Variants in PRKN observed in about 807,000 individuals in gnomAD.
PRKN encodes parkin RBR E3 ubiquitin protein ligase, also known as E3 ubiquitin-protein ligase parkin.
Under a neutral mutation model 59.5 loss-of-function variants are expected in PRKN, and 56 were observed. That is an observed-to-expected ratio of 0.94 (90% CI 0.76 to 1.18). The LOEUF is 1.18. Among genes scored for constraint, PRKN ranks in the 50% most tolerant of loss-of-function variants. The pLI, the probability that PRKN is intolerant of heterozygous loss-of-function variation, is 0.00. For synonymous variants in PRKN, 250 were observed against 222.1 expected (o/e 1.13, Z -1.12); for missense variants, 657 against 596.4 (o/e 1.10, Z -1.06).
chr6:162,182,637 G>GCT, intron 4 of PRKN, among the ~76,000 whole-genome samples: 1 of 152,230 alleles, frequency 6.6e-6, no homozygotes, highest in African/African-American at 2.4e-5. Context: ...CTCATCCCAG[G>GCT]ATCCTCGCAG....
chr6:161,477,012 A>C (rs1247171645), intron 9 of PRKN, among the ~76,000 whole-genome samples: 1 of 152,248 alleles, frequency 6.6e-6, no homozygotes. Context: ...GCATGATGTC[A>C]GCTAATTAAC....
At chr6:162,305,789 C>G (rs562135386) in intron 2 of PRKN, among the ~76,000 whole-genome samples, 6 of 151,972 alleles carry the variant, frequency 3.9e-5, no homozygotes, top group South Asian at 2.1e-4. Flanking sequence ...GATTTTGGAA[C>G]TATTTGTAAG....
chr6:162,445,006 C>G (rs940186361), intron 1 of PRKN, among the ~76,000 whole-genome samples: 2 of 152,106 alleles, frequency 1.3e-5, no homozygotes, highest in African/African-American at 4.8e-5. Flanking sequence ...TAAAAGATAA[C>G]AAACTCCTCA....
chr6:161,462,785 T>C lies in PRKN; in HGVS notation c.1084-75908A>G, dbSNP rs186846701. The stretch of plus-strand genomic sequence containing the variant: ...ACGGTAGCAATAAAAACACACAGAA[T>C]ACACTTTCATCCCAAAATTGGCATA... On this transcript the variant is annotated intron_variant, in intron 9 of 11. Transcript: ENST00000366898. This position sits in a 1 kb window ranked among gnomAD's most constrained non-coding sequence, Gnocchi z 4.5. Among the ~76,000 whole-genome samples the C allele has an allele frequency of 8.5e-5, 13 of 152,316 alleles. No individual in the cohort carries two copies. The East Asian group carries it at 2.5e-3, about 29-fold the overall frequency.
chr6:162,097,358 T>G (rs1270113268), intron 4 of PRKN, among the ~76,000 whole-genome samples: 1 of 152,194 alleles, frequency 6.6e-6, no homozygotes, highest in Non-Finnish European at 1.5e-5. Flanking sequence ...ATCATCCACA[T>G]GAGCTGTCCC....
At chr6:162,469,891 T>A (rs562476622) in intron 1 of PRKN, among the ~76,000 whole-genome samples, 1 of 152,118 alleles carries the variant, frequency 6.6e-6, no homozygotes, top group African/African-American at 2.4e-5. Flanking sequence ...ATAAAAAATT[T>A]AAAAAAAGAA....
At chr6:162,541,438 C>G (rs972395574) in intron 1 of PRKN, among the ~76,000 whole-genome samples, 2 of 152,208 alleles carry the variant, frequency 1.3e-5, no homozygotes, top group Non-Finnish European at 2.9e-5. Context: ...AAAGGGCCAT[C>G]CTAGGCTCTG....
At chr6:161,411,083 C>G (rs939283500) in intron 9 of PRKN, among the ~76,000 whole-genome samples, 3 of 152,116 alleles carry the variant, frequency 2.0e-5, no homozygotes, top group African/African-American at 7.2e-5. Context: ...CTCTGGGATG[C>G]TGGCAAACTC....
intron 9 of PRKN, among the ~76,000 whole-genome samples, chr6:161,481,132 G>T (rs1166772638): frequency 6.6e-6 from 1 of 152,186 alleles, no homozygotes; most frequent in Non-Finnish European, 1.5e-5. Context: ...TGCCACCATA[G>T]AACTGTTTTC....
chr6:161,908,234 G>A, intron 6 of PRKN, among the ~76,000 whole-genome samples: 1 of 152,194 alleles, frequency 6.6e-6, no homozygotes. Context: ...GAGCACGTGA[G>A]AGTCAGTGGG....
chr6:161,593,491 C>T lies in PRKN; in HGVS notation c.872-24075G>A, dbSNP rs1237761560. On this transcript the variant is annotated intron_variant, in intron 7 of 11. Transcript: ENST00000366898. This position sits in a 1 kb window ranked among gnomAD's most constrained non-coding sequence, Gnocchi z 4.8. ...AGATCCAGGGAGCCCAGTTAGGAGG[C>T]TCTGGCTGTGGCCTGTGGTCAGCAG... Among the ~76,000 whole-genome samples the T allele has an allele frequency of 1.3e-5, 2 of 152,168 alleles. No individual in the cohort carries two copies. The highest frequency in any genetic ancestry group is 4.8e-5 in the African/African-American group (2 of 41,438).
At chr6:162,074,844 A>T (rs1778753111) in intron 4 of PRKN, among the ~76,000 whole-genome samples, 1 of 152,156 alleles carries the variant, frequency 6.6e-6, no homozygotes, top group African/African-American at 2.4e-5. Flanking sequence ...ACTATTCCTG[A>T]ACCACAAGAT....
chr6:161,439,135 A>AC (rs1583069054), intron 9 of PRKN, among the ~76,000 whole-genome samples: 1 of 152,210 alleles, frequency 6.6e-6, no homozygotes, highest in East Asian at 1.9e-4. Context: ...TCCCAGGTGT[A>AC]ACCCGGAGGA....
intron 3 of PRKN, among the ~76,000 whole-genome samples, chr6:162,244,910 G>C (rs890331948): frequency 6.6e-6 from 1 of 152,016 alleles, no homozygotes; most frequent in Non-Finnish European, 1.5e-5. Flanking sequence ...CTCCATAAAA[G>C]AAGGAATGAT....
intron 5 of PRKN, 109 bp from the exon 6 acceptor site, chr6:161,973,526 G>A (rs62436002): frequency 2.9e-5 from 21 of 715,690 alleles, no homozygotes; most frequent in Non-Finnish European, 5.0e-5. Flanking sequence ...AATCTGTTAC[G>A]AGGTGTGAGA....
intron 8 of PRKN, among the ~76,000 whole-genome samples, chr6:161,555,067 C>T (rs1272667122): frequency 1.3e-5 from 2 of 151,992 alleles, no homozygotes; most frequent in Non-Finnish European, 2.9e-5. Flanking sequence ...TTTCTTATGT[C>T]ATTTCTAGTA....
At chr6:162,044,649 A>T (rs1454820414) in intron 5 of PRKN, among the ~76,000 whole-genome samples, 1 of 152,224 alleles carries the variant, frequency 6.6e-6, no homozygotes, top group African/African-American at 2.4e-5. Flanking sequence ...AGTCTGGCAC[A>T]GAGCAAGTGG....
At chr6:161,887,460 A>G (rs768373196) in intron 6 of PRKN, among the ~76,000 whole-genome samples, 2 of 152,232 alleles carry the variant, frequency 1.3e-5, no homozygotes, top group Non-Finnish European at 2.9e-5. Flanking sequence ...TTTGTACCAC[A>G]GAATTTCACT....
chr6:161,624,752 A>G (rs2128152139), intron 7 of PRKN, among the ~76,000 whole-genome samples: 1 of 152,320 alleles, frequency 6.6e-6, no homozygotes, highest in South Asian at 2.1e-4. Context: ...TACTAATATC[A>G]TTTTTATTTA....
Sources: gnomAD v4.1 joint callset for allele counts (sites outside exome capture counted in the v4.1 genomes callset) on GRCh38, gnomAD v4.1.1 for gene constraint, Gnocchi (gnomAD v3.1) non-coding constraint, MANE v1.5 for transcripts, NCBI Gene and HGNC (gene_info 2026-07-23, HGNC 2026-07-21) for gene names.